The following DNAH11 variants were observed in gnomAD, a reference collection of about 807,000 sequenced individuals.
DNAH11 encodes dynein axonemal heavy chain 11, also known as axonemal beta dynein heavy chain 11.
A neutral mutation model predicts 526.0 loss-of-function variants in DNAH11; 442 were observed. The observed-to-expected ratio is 0.84, with a 90% CI of 0.78 to 0.91. The LOEUF is 0.91. Among genes scored for constraint, DNAH11 ranks in the 40% least tolerant of loss-of-function variants. DNAH11 has a pLI of 0.00. For synonymous variants in DNAH11, 2,461 were observed against 1,935.9 expected (o/e 1.27, Z -7.12); for missense variants, 6,989 against 5,448.7 (o/e 1.28, Z -8.90).
intron 46 of DNAH11, 145 bp downstream of exon 46, chr7:21,735,989 T>C: frequency 1.3e-6 from 1 of 794,222 alleles, no homozygotes; most frequent in Non-Finnish European, 1.9e-6. Context: ...ATCATCCTTG[T>C]TAAATATACG....
intron 54 of DNAH11, among the ~76,000 whole-genome samples, chr7:21,754,122 G>A (rs1033601467): frequency 6.6e-6 from 1 of 152,052 alleles, no homozygotes; most frequent in African/African-American, 2.4e-5. Flanking sequence ...CTCCCTCATT[G>A]CATTGGTAAA....
At chr7:21,630,926 C>G (rs1786572849) in intron 25 of DNAH11, among the ~76,000 whole-genome samples, 1 of 152,066 alleles carries the variant, frequency 6.6e-6, no homozygotes, top group East Asian at 1.9e-4. Flanking sequence ...GCTTTTCATT[C>G]TTTTTTCTCT....
rs1789805202 is a variant in DNAH11, at chr7:21,816,626, C to G, written c.10492C>G (p.Pro3498Ala). 1 of 1,613,484 alleles carries G rather than the reference C, an allele frequency of 6.2e-7. No individual in the cohort carries two copies. Among genetic ancestry groups the G allele is most frequent in the Admixed American group, 1.7e-5 (1 of 59,914 alleles). ...TGAGCGCTGGCCTCTGGTGATAGATCCCCAGCAACAGGGAATTAAGTGGAT... is the reference window on the plus strand; with the variant it reads ...TGAGCGCTGGCCTCTGGTGATAGATGCCCAGCAACAGGGAATTAAGTGGAT... ...HCERWPLVID[P>A]QQQGIKWIKN... Residue 3498 changes from proline to alanine, a missense_variant, in exon 64 of 82, where the codon CCC (proline) becomes GCC (alanine). Pro to Ala is a conservative substitution (Grantham distance 27). Coordinates refer to ENST00000409508, the MANE Select transcript of DNAH11 (RefSeq NM_001277115.2).
chr7:21,696,217 TAA>T (rs56023314), intron 35 of DNAH11, among the ~76,000 whole-genome samples: 18,190 of 152,142 alleles, frequency 0.12, 1,190 homozygotes, highest in East Asian at 0.2. Flanking sequence ...CTTTCCAACT[TAA>T]AGTTTGCTTG....
Position 21,892,509 on chromosome 7 carries a change from A to G in DNAH11, c.12592A>G (p.Met4198Val), listed in dbSNP as rs1213707481. Reference protein sequence around the residue: ...YAGYHQYIEEMLPPESPALYG... With the variant: ...YAGYHQYIEEVLPPESPALYG... ...AGGCTACCACCAGTACATAGAGGAG[A>G]TGCTTCCTCCAGAAAGCCCGGCACT... Residue 4198 changes from methionine to valine, a missense_variant, in exon 77 of 82, where the codon ATG becomes GTG. Coordinates refer to ENST00000409508, the MANE Select transcript of DNAH11 (RefSeq NM_001277115.2). 3 of 1,613,924 alleles carry G rather than the reference A, an allele frequency of 1.9e-6. No individual in the cohort carries two copies. The highest frequency in any genetic ancestry group is 2.5e-6 in the Non-Finnish European group (3 of 1,179,878).
At chr7:21,619,374 G>A (rs1785933870) in intron 24 of DNAH11, among the ~76,000 whole-genome samples, 152 bp downstream of exon 24, 1 of 152,156 alleles carries the variant, frequency 6.6e-6, no homozygotes, top group South Asian at 2.1e-4. Flanking sequence ...GGGATGAGCA[G>A]GAACTAGAAT....
intron 30 of DNAH11, among the ~76,000 whole-genome samples, chr7:21,669,842 A>G (rs1446650111): frequency 2.6e-5 from 4 of 152,026 alleles, no homozygotes; most frequent in Non-Finnish European, 4.4e-5. Context: ...TCAACTGACT[A>G]TATACGTATG....
intron 3 of DNAH11, among the ~76,000 whole-genome samples, chr7:21,559,315 A>G (rs564809944): frequency 2.0e-4 from 31 of 152,354 alleles, no homozygotes; most frequent in African/African-American, 6.7e-4. Context: ...TTTAAAAAGC[A>G]AATTATACAA....
At chr7:21,885,208 A>G (rs1171881034) in intron 76 of DNAH11, among the ~76,000 whole-genome samples, 2 of 141,782 alleles carry the variant, frequency 1.4e-5, no homozygotes, top group African/African-American at 2.5e-5. Context: ...TTATGACACA[A>G]TGGGAAATTA....
At chr7:21,896,900 C>T (rs1784534661) in intron 79 of DNAH11, among the ~76,000 whole-genome samples, 1 of 151,870 alleles carries the variant, frequency 6.6e-6, no homozygotes, top group East Asian at 1.9e-4. Context: ...CTCTAAAAAA[C>T]AATAATAAAA....
chr7:21,547,968 T>A (rs551968365), intron 2 of DNAH11, among the ~76,000 whole-genome samples: 12 of 152,330 alleles, frequency 7.9e-5, no homozygotes, highest in Middle Eastern at 3.4e-3. Context: ...GCTATTTTTG[T>A]GCTAGTCCCC....
At position 21,791,888 on chromosome 7, in the gene DNAH11, A is replaced by G. The variant is rs568237069; in HGVS notation, c.10026+2546A>G. On this transcript the variant is annotated intron_variant, in intron 61 of 81. Coordinates refer to ENST00000409508, the MANE Select transcript of DNAH11 (RefSeq NM_001277115.2). Reference sequence around the variant, plus strand: ...TCTGTTCTCACATTGCTATAAAGAAATACCTGATACTGGGTAACTTACAAA... The same window carrying G: ...TCTGTTCTCACATTGCTATAAAGAAGTACCTGATACTGGGTAACTTACAAA... 2.8e-4 allele frequency among the ~76,000 whole-genome samples: 42 copies of G among 152,344 alleles called. No homozygotes were observed. The South Asian group carries it at 7.7e-3, about 28-fold the overall frequency.
chr7:21,866,446 A>C (rs1221267490), intron 70 of DNAH11, 24 bp from the exon 71 acceptor site: 1 of 1,594,122 alleles, frequency 6.3e-7, no homozygotes, highest in East Asian at 2.2e-5. Context: ...CACCATTCCT[A>C]CTTGTTTCCC....
intron 7 of DNAH11, among the ~76,000 whole-genome samples, chr7:21,571,112 T>C (rs1282098629): frequency 6.6e-6 from 1 of 152,154 alleles, no homozygotes. Flanking sequence ...CTTAACAGTT[T>C]CCTGGGCTCG....
At chr7:21,764,148 C>T (rs1327203864) in intron 54 of DNAH11, among the ~76,000 whole-genome samples, 2 of 152,108 alleles carry the variant, frequency 1.3e-5, no homozygotes, top group East Asian at 1.9e-4. Flanking sequence ...AATCCTGTAT[C>T]GTACACTTAA....
chr7:21,845,166 T>G (rs1782372289), intron 66 of DNAH11, among the ~76,000 whole-genome samples: 1 of 152,252 alleles, frequency 6.6e-6, no homozygotes, highest in South Asian at 2.1e-4. Context: ...TCTCCCATTC[T>G]GTGGGCTGTC....
intron 57 of DNAH11, among the ~76,000 whole-genome samples, chr7:21,782,116 A>G (rs1420834590): frequency 1.3e-5 from 2 of 152,188 alleles, no homozygotes; most frequent in Admixed American, 1.3e-4. Context: ...GCTCATAACA[A>G]GCAGTTATTG....
intron 54 of DNAH11, among the ~76,000 whole-genome samples, chr7:21,760,149 G>A (rs978589747): frequency 2.6e-5 from 4 of 152,178 alleles, no homozygotes; most frequent in African/African-American, 9.7e-5. Flanking sequence ...GGAGGGTGTA[G>A]TTCAGTGAAT....
intron 25 of DNAH11, among the ~76,000 whole-genome samples, chr7:21,634,339 A>T (rs1786758072): frequency 6.6e-6 from 1 of 152,178 alleles, no homozygotes. Flanking sequence ...GAAAAGACTG[A>T]ATTCGGTGAA....
Sources: gnomAD v4.1 joint callset for allele counts (sites outside exome capture counted in the v4.1 genomes callset) on GRCh38, gnomAD v4.1.1 for gene constraint, MANE v1.5 for transcripts, NCBI Gene and HGNC (gene_info 2026-07-23, HGNC 2026-07-21) for gene names.